Variants in MYO7A observed in about 807,000 individuals in gnomAD.
MYO7A encodes the protein unconventional myosin-VIIa.
MYO7A carries 210 observed loss-of-function variants against 263.8 expected under a neutral mutation model. That is an observed-to-expected ratio of 0.80 (90% CI 0.71 to 0.89). The LOEUF (loss-of-function observed/expected upper bound fraction) is 0.89. Ranked by LOEUF, MYO7A falls within the 40% of genes least tolerant of loss-of-function variation. The pLI is 0.00. For missense variants in MYO7A, 2,820 were observed against 2,968.3 expected (o/e 0.95, Z 1.16); for synonymous variants, 1,239 against 1,197.3 (o/e 1.03, Z -0.72).
intron 26 of MYO7A, among the ~76,000 whole-genome samples, chr11:77,184,300 C>T (rs1408690996): frequency 2.0e-5 from 3 of 152,130 alleles, no homozygotes; most frequent in African/African-American, 7.2e-5. Context: ...CTGAGAGGAC[C>T]TCCCTGGGGT....
chr11:77,188,311 CCTA>C (rs1320090023), intron 27 of MYO7A, among the ~76,000 whole-genome samples: 22 of 152,278 alleles, frequency 1.4e-4, no homozygotes, highest in Admixed American at 1.1e-3. Flanking sequence ...ACTTTGCCCT[CCTA>C]CTGTTTGGAA....
intron 4 of MYO7A, 66 bp from the exon 5 acceptor site, chr11:77,155,841 A>G (rs559555603): frequency 1.3e-5 from 19 of 1,467,480 alleles, no homozygotes; most frequent in South Asian, 5.5e-5. Context: ...GCAGAGCCCA[A>G]GAGCTTTCTA....
intron 8 of MYO7A, 50 bp downstream of exon 8, chr11:77,157,442 T>C: frequency 2.3e-6 from 3 of 1,323,670 alleles, no homozygotes; most frequent in Non-Finnish European, 3.2e-6. Context: ...CCTAGGATTG[T>C]AGGGAGCTGG....
At chr11:77,182,300 C>G in intron 24 of MYO7A, 124 bp from the exon 25 acceptor site, 1 of 1,434,050 alleles carries the variant, frequency 7.0e-7, no homozygotes, top group Non-Finnish European at 9.4e-7. Context: ...CACTGCGGTG[C>G]CCAGCCTGAG....
chr11:77,197,555 G>T lies in MYO7A; in HGVS notation c.4398G>T (p.Trp1466Cys). 6.2e-7 allele frequency: 1 copy of T among 1,606,982 alleles called. No individual in the cohort carries two copies. Residue 1466 changes from tryptophan (W) to cysteine (C), a missense_variant, in exon 33 of 49, where the codon TGG (tryptophan) becomes TGT (cysteine). Trp to Cys is a radical substitution (Grantham distance 215). Coordinates refer to ENST00000409709, the MANE Select transcript of MYO7A (RefSeq NM_000260.4). ...EDVVSYARFK[W>C]PLLFSRFYEA... ...TGGTCAGTTATGCCCGCTTCAAGTG[G>T]CCCTTGCTCTTCTCCAGGTTTTATG...
chr11:77,212,995 T>C lies in MYO7A; in HGVS notation c.6398T>C (p.Ile2133Thr). The C allele has an allele frequency of 6.3e-7, 1 of 1,594,540 alleles. No homozygotes were observed. The highest frequency in any genetic ancestry group is 8.5e-7 in the Non-Finnish European group (1 of 1,170,006). ...TTCCCTGAGATCCTCCTAATTGCCA[T>C]CAACAAGTATGGGGTCAGCCTCATC... ...PNFPEILLIA[I>T]NKYGVSLIDP... Residue 2133 changes from isoleucine to threonine, a missense_variant, in exon 47 of 49, where the codon ATC becomes ACC. Transcript: ENST00000409709.
intron 46 of MYO7A, chr11:77,212,646 G>A: frequency 4.3e-6 from 2 of 467,674 alleles, no homozygotes; most frequent in South Asian, 2.4e-5. Context: ...GAGCTTGGCT[G>A]TGCGAGGAGA....
intron 20 of MYO7A, 117 bp downstream of exon 20, chr11:77,179,246 C>A: frequency 1.2e-6 from 1 of 860,930 alleles, no homozygotes; most frequent in Non-Finnish European, 1.8e-6. Flanking sequence ...TGGCCTCCTG[C>A]CACTGCCCTG....
At chr11:77,195,007 G>A (rs1336175026) in intron 32 of MYO7A, among the ~76,000 whole-genome samples, 2 of 152,110 alleles carry the variant, frequency 1.3e-5, no homozygotes, top group East Asian at 3.9e-4. Flanking sequence ...TAGAGCAGGG[G>A]TATCCAGATG....
rs116517195 is a variant in MYO7A at position 77,128,801 on chromosome 11, A to G, written c.-47+312A>G. 3.6e-3 allele frequency among the ~76,000 whole-genome samples: 541 copies of G among 152,256 alleles called. 2 individuals carry two copies. The highest frequency in any genetic ancestry group is 0.013 in the African/African-American group (522 of 41,540). On this transcript the variant is annotated intron_variant, in intron 1 of 48. Coordinates refer to ENST00000409709, the MANE Select transcript of MYO7A (RefSeq NM_000260.4). ...TAGACATGCTGTGGTGGCAGAGAGA[A>G]GAGTCCGTTCTCTCTGTCTCCTTTG...
At chr11:77,205,729 CT>C in intron 40 of MYO7A, 112 bp downstream of exon 40, 2 of 1,405,612 alleles carry the variant, frequency 1.4e-6, no homozygotes, top group Non-Finnish European at 1.9e-6. Context: ...GGGCCCACCC[CT>C]GGGGTACCTC....
In MYO7A at chr11:77,156,079, G is replaced by T. The variant is rs397516312; in HGVS notation, c.458G>T (p.Cys153Phe). 1 of 1,613,844 alleles carries T rather than the reference G, an allele frequency of 6.2e-7. No individual in the cohort carries two copies. ...ATGAAACGCAACAGCCGAGACCAGT[G>T]CTGCATCATCAGGTGGGCGGCCCAG... Reference protein sequence around the residue: ...FNMKRNSRDQCCIISGESGAG... With the variant: ...FNMKRNSRDQFCIISGESGAG... The change falls in exon 5 of 49, where the codon TGC becomes TTC. Residue 153 changes from cysteine (C) to phenylalanine (F), a missense_variant. Transcript: ENST00000409709.
At chr11:77,185,620 C>G (rs1955592898) in intron 27 of MYO7A, among the ~76,000 whole-genome samples, 1 of 152,172 alleles carries the variant, frequency 6.6e-6, no homozygotes, top group Admixed American at 6.5e-5. Context: ...TCTTGAGCCC[C>G]TCAGTCATTC....
rs374766654 is a variant in MYO7A at position 77,199,701 on chromosome 11, G to A, written c.4735G>A (p.Glu1579Lys). ...SFTLATIKGD[E>K]YTFTSSNAED... ...CACGCTGGCCACCATCAAGGGGGACGAATACACCTTCACCTCCAGCAATGC... is the reference window on the plus strand; with the variant it reads ...CACGCTGGCCACCATCAAGGGGGACAAATACACCTTCACCTCCAGCAATGC... The change falls in exon 35 of 49, where the codon GAA (glutamate) becomes AAA (lysine). Residue 1579 changes from glutamate (E) to lysine (K), a missense_variant. Transcript: ENST00000409709. The A allele has an allele frequency of 3.0e-5, 49 of 1,613,532 alleles. No individual in the cohort carries two copies. The highest frequency in any genetic ancestry group is 6.7e-5 in the Admixed American group (4 of 59,960).
chr11:77,172,837 G>A lies in MYO7A; in HGVS notation c.1887G>A (p.Gln629=), dbSNP rs2135407547. Residue 629 remains glutamine (Q), a synonymous_variant, in exon 16 of 49, where the codon CAG becomes CAA. Transcript: ENST00000409709. The part of the protein sequence containing the change: ...ELLMRTLGAC[Q]PFFVRCIKPN... ...TGATGCGCACGCTGGGTGCCTGCCA[G>A]CCCTTCTTTGTGCGATGCATCAAGC... The A allele has an allele frequency of 1.9e-6, 3 of 1,552,430 alleles. No homozygotes were observed. Among genetic ancestry groups the A allele is most frequent in the Non-Finnish European group, 2.6e-6 (3 of 1,147,498 alleles).
chr11:77,208,922 A>G, intron 44 of MYO7A, 119 bp downstream of exon 44: 1 of 795,178 alleles, frequency 1.3e-6, no homozygotes, highest in Non-Finnish European at 2.0e-6. Context: ...CTGGCCTCAA[A>G]GGGATTCCTG....
Position 77,182,113 on chromosome 11 carries a change from A to C in MYO7A, c.3067A>C (p.Lys1023Gln). ...GCACTCCTACACCCGGCGGCCACTC[A>C]AACAGCCACTGCTCTACCATGACGA... The part of the protein sequence containing the change: ...TTHSYTRRPL[K>Q]QPLLYHDDEG... Residue 1023 changes from lysine to glutamine, a missense_variant, in exon 24 of 49, where the codon AAA becomes CAA. Transcript: ENST00000409709. 1 of 1,613,398 alleles carries C rather than the reference A, an allele frequency of 6.2e-7. No individual in the cohort carries two copies. Among genetic ancestry groups the C allele is most frequent in the Non-Finnish European group, 8.5e-7 (1 of 1,179,854 alleles).
intron 6 of MYO7A, 32 bp downstream of exon 6, chr11:77,156,813 C>T: frequency 6.2e-7 from 1 of 1,613,940 alleles, no homozygotes; most frequent in Non-Finnish European, 8.5e-7. Context: ...TGGGACCAGG[C>T]AGTGGGGCGG....
At chr11:77,141,813 G>A (rs1311206975) in intron 2 of MYO7A, among the ~76,000 whole-genome samples, 1 of 152,200 alleles carries the variant, frequency 6.6e-6, no homozygotes, top group Non-Finnish European at 1.5e-5. Context: ...GTCTAGGTTG[G>A]TTGGCTCTGT....
Sources: gnomAD v4.1 joint callset for allele counts (sites outside exome capture counted in the v4.1 genomes callset) on GRCh38, gnomAD v4.1.1 for gene constraint, MANE v1.5 for transcripts, NCBI Gene and HGNC (gene_info 2026-07-23, HGNC 2026-07-21) for gene names.